Variants in LRP1B observed in about 807,000 individuals in gnomAD.
LRP1B encodes low-density lipoprotein receptor-related protein 1B.
A neutral mutation model predicts 556.6 loss-of-function variants in LRP1B; 217 were observed. The observed-to-expected ratio is 0.39, with a 90% CI of 0.35 to 0.44. The LOEUF (loss-of-function observed/expected upper bound fraction) is 0.44, where lower values mean the gene tolerates loss of function less well. Among genes scored for constraint, LRP1B ranks in the 20% least tolerant of loss-of-function variants. The pLI is 1.00. For missense variants in LRP1B, 5,053 were observed against 5,620.8 expected (o/e 0.90, Z 3.23); for synonymous variants, 2,047 against 1,865.8 (o/e 1.10, Z -2.50).
rs17615422 is a variant in LRP1B at position 141,497,478 on chromosome 2, A to G, written c.206-16945T>C. Among the ~76,000 whole-genome samples, 24 of 152,186 alleles carry G rather than the reference A, an allele frequency of 1.6e-4. No individual in the cohort carries two copies. In the East Asian group the frequency reaches 4.4e-3, roughly 28 times the overall value. On this transcript the variant is annotated intron_variant, in intron 2 of 90. Transcript: ENST00000389484. Reference sequence around the variant, plus strand: ...TGGCGTCCTAGTTTACAGCTATAAAATAACCTAGAATAACTGAATAAGGAA... The same window carrying G: ...TGGCGTCCTAGTTTACAGCTATAAAGTAACCTAGAATAACTGAATAAGGAA...
chr2:141,287,940 A>T (rs2679456), intron 3 of LRP1B, among the ~76,000 whole-genome samples: 22,745 of 152,138 alleles, frequency 0.15, 1,804 homozygotes, highest in South Asian at 0.26. Flanking sequence ...GAAACTTTTA[A>T]AATTCCATCT....
At chr2:141,207,605 G>A (rs151035359) in intron 6 of LRP1B, among the ~76,000 whole-genome samples, 235 of 152,322 alleles carry the variant, frequency 1.5e-3, no homozygotes, top group African/African-American at 5.5e-3. Context: ...TTTTGTGTGT[G>A]TGAAGCATTT....
intron 83 of LRP1B, among the ~76,000 whole-genome samples, chr2:140,312,493 T>G (rs1684344184): frequency 6.6e-6 from 1 of 151,920 alleles, no homozygotes; most frequent in African/African-American, 2.4e-5. Flanking sequence ...AAAGTAAAGA[T>G]TAAGTGTAAA....
intron 3 of LRP1B, among the ~76,000 whole-genome samples, chr2:141,429,839 T>A (rs747772320): frequency 1.3e-5 from 2 of 152,008 alleles, no homozygotes; most frequent in Non-Finnish European, 2.9e-5. Context: ...TCTTCTTAGG[T>A]GAATGAGACA....
chr2:141,320,524 T>G (rs1442562341), intron 3 of LRP1B, among the ~76,000 whole-genome samples: 2 of 152,084 alleles, frequency 1.3e-5, no homozygotes, highest in East Asian at 3.9e-4. Context: ...GGAGGACCAC[T>G]CCTACTTAAT....
At chr2:140,860,040 T>G (rs1692743396) in intron 27 of LRP1B, among the ~76,000 whole-genome samples, 1 of 152,076 alleles carries the variant, frequency 6.6e-6, no homozygotes, top group African/African-American at 2.4e-5. Flanking sequence ...TGCCTTCATT[T>G]TGCAAAGGCT....
chr2:141,422,731 A>C (rs1304359574), intron 3 of LRP1B, among the ~76,000 whole-genome samples: 1 of 151,842 alleles, frequency 6.6e-6, no homozygotes, highest in Non-Finnish European at 1.5e-5. Context: ...TCTCTTCCTG[A>C]CTCTCCATCT....
intron 25 of LRP1B, among the ~76,000 whole-genome samples, chr2:140,876,011 G>A (rs1423065409): frequency 6.6e-6 from 1 of 152,080 alleles, no homozygotes; most frequent in Non-Finnish European, 1.5e-5. Context: ...TTTAGAAGGT[G>A]GTTTTATAAT....
At chr2:141,800,918 C>T (rs969634845) in intron 2 of LRP1B, among the ~76,000 whole-genome samples, 12 of 152,168 alleles carry the variant, frequency 7.9e-5, no homozygotes, top group East Asian at 3.9e-4. Context: ...TTATATATTA[C>T]GAGAAATGTA....
chr2:140,869,081 A>G (rs1320266912), intron 25 of LRP1B, among the ~76,000 whole-genome samples: 1 of 152,040 alleles, frequency 6.6e-6, no homozygotes, highest in Non-Finnish European at 1.5e-5. Context: ...CCTTTAACCT[A>G]TTGAATGATT....
intron 1 of LRP1B, among the ~76,000 whole-genome samples, chr2:141,971,806 T>C (rs1701742479): frequency 6.6e-6 from 1 of 151,540 alleles, no homozygotes; most frequent in South Asian, 2.1e-4. Context: ...CTAAAATTTT[T>C]TTATTTATTG....
At chr2:141,829,000 A>G (rs892640050) in intron 1 of LRP1B, among the ~76,000 whole-genome samples, 5 of 152,234 alleles carry the variant, frequency 3.3e-5, no homozygotes, top group South Asian at 2.1e-4. Flanking sequence ...TGGGGAAATA[A>G]CAGTTACTAG....
chr2:140,585,687 C>G (rs577215780), intron 43 of LRP1B, among the ~76,000 whole-genome samples: 85 of 152,252 alleles, frequency 5.6e-4, no homozygotes, highest in Middle Eastern at 3.4e-3. Flanking sequence ...TTTCTTTTCA[C>G]TTATTTCTTA....
At chr2:142,012,437 C>T (rs553021597) in intron 1 of LRP1B, among the ~76,000 whole-genome samples, 44 of 152,114 alleles carry the variant, frequency 2.9e-4, no homozygotes, top group Non-Finnish European at 2.9e-5. Context: ...GATGTGTTTT[C>T]TTTAGGTTTT....
At chr2:142,056,309 G>T (rs534785237) in intron 1 of LRP1B, among the ~76,000 whole-genome samples, 1 of 145,062 alleles carries the variant, frequency 6.9e-6, no homozygotes, top group African/African-American at 2.5e-5. Context: ...CTGGAAAAAA[G>T]ATATAGTGTG....
chr2:140,926,760 A>G (rs1204481921), intron 20 of LRP1B, among the ~76,000 whole-genome samples: 2 of 152,284 alleles, frequency 1.3e-5, no homozygotes, highest in South Asian at 2.1e-4. Flanking sequence ...GAAATTATAC[A>G]TGATGCTTTT....
At chr2:141,043,988 G>C (rs551675491) in intron 11 of LRP1B, among the ~76,000 whole-genome samples, 17 of 152,050 alleles carry the variant, frequency 1.1e-4, no homozygotes, top group African/African-American at 3.1e-4. Context: ...AGGAACAAAG[G>C]TGGAGGCATC....
chr2:141,953,109 G>C (rs1701155619), intron 1 of LRP1B, among the ~76,000 whole-genome samples: 1 of 151,966 alleles, frequency 6.6e-6, no homozygotes, highest in African/African-American at 2.4e-5. Flanking sequence ...AGGGTGACTG[G>C]GAGTGTGTGT....
intron 41 of LRP1B, among the ~76,000 whole-genome samples, chr2:140,687,855 T>C (rs1686104224): frequency 6.6e-6 from 1 of 152,098 alleles, no homozygotes; most frequent in Non-Finnish European, 1.5e-5. Context: ...GAACCCTGAA[T>C]TCACTTGTGC....
Sources: allele counts gnomAD v4.1 joint callset (sites outside exome capture counted in the v4.1 genomes callset), GRCh38; gene constraint gnomAD v4.1.1; transcripts MANE v1.5; gene names NCBI Gene and HGNC (gene_info 2026-07-23, HGNC 2026-07-21).